The following PCSK5 variants were observed in gnomAD, a reference collection of about 807,000 sequenced individuals.
PCSK5 encodes proprotein convertase subtilisin/kexin type 5, also known as prohormone convertase 5.
Under a neutral mutation model 233.2 loss-of-function variants are expected in PCSK5, and 129 were observed. The observed-to-expected ratio is 0.55, with a 90% CI of 0.48 to 0.64. The LOEUF is 0.64. Among genes scored for constraint, PCSK5 ranks in the 30% least tolerant of loss-of-function variants. The pLI, the probability that PCSK5 is intolerant of heterozygous loss-of-function variation, is 0.00. For synonymous variants in PCSK5, 825 were observed against 879.2 expected (o/e 0.94, Z 1.09); for missense variants, 2,076 against 2,430.1 (o/e 0.85, Z 3.06).
At chr9:75,929,188 C>T (rs1823661734) in intron 1 of PCSK5, among the ~76,000 whole-genome samples, 2 of 152,202 alleles carry the variant, frequency 1.3e-5, no homozygotes, top group African/African-American at 2.4e-5. Flanking sequence ...CTACCTCAGC[C>T]TCCCAAAGTG....
chr9:76,091,476 G>T (rs759308615), intron 7 of PCSK5, among the ~76,000 whole-genome samples: 3 of 152,086 alleles, frequency 2.0e-5, no homozygotes, highest in Non-Finnish European at 4.4e-5. Flanking sequence ...AGTCACATTG[G>T]TCTTTAGGGC....
chr9:76,165,796 G>A (rs986173635), intron 12 of PCSK5, among the ~76,000 whole-genome samples: 2 of 152,180 alleles, frequency 1.3e-5, no homozygotes, highest in African/African-American at 2.4e-5. Context: ...AATAATGTTG[G>A]CATGTGTCTG....
intron 2 of PCSK5, among the ~76,000 whole-genome samples, chr9:75,942,882 C>CTTTTTTTT (rs35508069): frequency 4.4e-4 from 50 of 112,948 alleles, no homozygotes; most frequent in Non-Finnish European, 7.7e-4. Flanking sequence ...TTTTCTTCTT[C>CTTTTTTTT]TTCTTTTTTT....
chr9:75,982,451 C>T (rs1207725495), intron 2 of PCSK5, among the ~76,000 whole-genome samples: 4 of 152,098 alleles, frequency 2.6e-5, no homozygotes, highest in African/African-American at 7.2e-5. Context: ...TTTCCCATGC[C>T]CCCACTAACA....
At chr9:76,302,323 G>C (rs958575300) in intron 28 of PCSK5, 106 bp downstream of exon 28, 1 of 445,406 alleles carries the variant, frequency 2.2e-6, no homozygotes, top group Non-Finnish European at 4.0e-6. Context: ...GAAGCAAATG[G>C]GGTGCAGAGA....
In PCSK5 at chr9:76,338,321, T is replaced by A; in HGVS notation, c.4840T>A (p.Cys1614Ser). The A allele has an allele frequency of 6.2e-7, 1 of 1,612,576 alleles. No individual in the cohort carries two copies. Among genetic ancestry groups the A allele is most frequent in the Non-Finnish European group, 8.5e-7 (1 of 1,179,718 alleles). The change falls in exon 35 of 38, where the codon TGC becomes AGC. Residue 1614 changes from cysteine to serine, a missense_variant. Cys to Ser is a moderately radical substitution (Grantham distance 112). Coordinates refer to ENST00000674117, the MANE Select transcript of PCSK5 (RefSeq NM_001372043.1). ...CCCACGGCCCACAGACTGCCTGTCT[T>A]GCGATAGATTTTTCTTTCTGCTCCG... ...QGPRPTDCLS[C>S]DRFFFLLRSK...
At chr9:76,083,432 T>G (rs1270007045) in intron 7 of PCSK5, among the ~76,000 whole-genome samples, 1 of 152,140 alleles carries the variant, frequency 6.6e-6, no homozygotes, top group Non-Finnish European at 1.5e-5. Flanking sequence ...TAATACCAAT[T>G]AAAGCTTTCC....
chr9:76,264,457 G>A (rs1401041655), intron 24 of PCSK5, among the ~76,000 whole-genome samples: 1 of 152,074 alleles, frequency 6.6e-6, no homozygotes, highest in Non-Finnish European at 1.5e-5. Flanking sequence ...ATTGACAAGT[G>A]GGACCTAATT....
At chr9:76,031,498 G>A (rs1424329160) in intron 5 of PCSK5, among the ~76,000 whole-genome samples, 4 of 152,044 alleles carry the variant, frequency 2.6e-5, no homozygotes, top group Non-Finnish European at 5.9e-5. Context: ...GACCAGCCTG[G>A]GAAACATAGG....
At chr9:76,166,833 TAAC>T (rs747160643) in intron 12 of PCSK5, among the ~76,000 whole-genome samples, 10 of 152,218 alleles carry the variant, frequency 6.6e-5, no homozygotes, top group African/African-American at 4.8e-5. Context: ...ATATTCCCTT[TAAC>T]AACATCTCTC....
At chr9:76,141,628 C>T (rs1188869854) in intron 10 of PCSK5, among the ~76,000 whole-genome samples, 1 of 152,082 alleles carries the variant, frequency 6.6e-6, no homozygotes, top group African/African-American at 2.4e-5. Flanking sequence ...CCTTTTTCAT[C>T]CTCTAGCCTC....
At chr9:76,091,194 T>G (rs569367559) in intron 7 of PCSK5, among the ~76,000 whole-genome samples, 1 of 152,286 alleles carries the variant, frequency 6.6e-6, no homozygotes, top group African/African-American at 2.4e-5. Context: ...CTTATAGTTC[T>G]GGAGGCTGGA....
intron 20 of PCSK5, among the ~76,000 whole-genome samples, chr9:76,218,543 T>A (rs1465472008): frequency 1.3e-5 from 2 of 150,088 alleles, no homozygotes; most frequent in African/African-American, 2.4e-5. Flanking sequence ...CTACCCTACA[T>A]TATTATCTAA....
At chr9:76,285,296 C>A (rs1005901154) in intron 24 of PCSK5, among the ~76,000 whole-genome samples, 2 of 152,104 alleles carry the variant, frequency 1.3e-5, no homozygotes, top group East Asian at 3.9e-4. Flanking sequence ...CTGGGAGAAG[C>A]AAGTATCCAG....
intron 1 of PCSK5, among the ~76,000 whole-genome samples, chr9:75,899,590 T>A (rs1236938420): frequency 6.6e-6 from 1 of 152,158 alleles, no homozygotes; most frequent in South Asian, 2.1e-4. Context: ...GTAATCAACA[T>A]TTTCTCCCCT....
intron 33 of PCSK5, among the ~76,000 whole-genome samples, chr9:76,330,751 C>T (rs1042485124): frequency 6.6e-6 from 1 of 152,138 alleles, no homozygotes; most frequent in Non-Finnish European, 1.5e-5. Context: ...CTGATCACTT[C>T]ACAATAGAAA....
chr9:75,913,827 A>G (rs1312115819), intron 1 of PCSK5, among the ~76,000 whole-genome samples: 1 of 152,186 alleles, frequency 6.6e-6, no homozygotes, highest in East Asian at 1.9e-4. Flanking sequence ...TAGGAACCCA[A>G]TGCAGTAATA....
At chr9:76,314,388 C>CA (rs1387851608) in intron 30 of PCSK5, among the ~76,000 whole-genome samples, 1 of 86,876 alleles carries the variant, frequency 1.2e-5, no homozygotes, top group Non-Finnish European at 2.5e-5. Context: ...TAAACACACA[C>CA]AAAAAAAGAA....
At chr9:76,047,170 C>T (rs1354113195) in intron 5 of PCSK5, among the ~76,000 whole-genome samples, 1 of 146,172 alleles carries the variant, frequency 6.8e-6, no homozygotes, top group Non-Finnish European at 1.5e-5. Flanking sequence ...GATCTCGGCT[C>T]ACTGCAAGCT....
Sources: allele counts gnomAD v4.1 joint callset (sites outside exome capture counted in the v4.1 genomes callset), GRCh38; gene constraint gnomAD v4.1.1; transcripts MANE v1.5; gene names NCBI Gene and HGNC (gene_info 2026-07-23, HGNC 2026-07-21).